The following ABAT variants were observed in gnomAD, a reference collection of about 807,000 sequenced individuals.
ABAT encodes the protein 4-aminobutyrate aminotransferase, mitochondrial.
Under a neutral mutation model 64.6 loss-of-function variants are expected in ABAT, and 45 were observed. The observed-to-expected ratio is 0.70, with a 90% CI of 0.55 to 0.89. The LOEUF (loss-of-function observed/expected upper bound fraction) is 0.89. Among genes scored for constraint, ABAT ranks in the 40% least tolerant of loss-of-function variants. ABAT has a pLI of 0.00. For missense variants in ABAT, 633 were observed against 658.4 expected, an observed-to-expected ratio of 0.96 and a Z score of 0.42; for synonymous variants, 297 against 250.5, an observed-to-expected ratio of 1.19 and a Z score of -1.75.
Position 8,781,960 on chromosome 16 carries a change from G to A in ABAT, c.*530G>A. On this transcript the variant is annotated 3_prime_UTR_variant, in exon 16 of 16. Transcript: ENST00000268251. This position sits in a 1 kb window ranked among gnomAD's most constrained non-coding sequence, Gnocchi z 4.5. ...GGTGCAGGAGGGACTGGACAGATCT[G>A]AGGAAGGCCGTAAAATGGGGACAGG... The A allele has an allele frequency of 5.2e-6, 1 of 193,968 alleles. No individual in the cohort carries two copies. The highest frequency in any genetic ancestry group is 1.0e-4 in the South Asian group (1 of 9,684). 12.0% of individuals were successfully genotyped at this position (193,968 alleles called of 1,614,324 possible).
intron 1 of ABAT, among the ~76,000 whole-genome samples, chr16:8,691,395 A>C (rs2141975850): frequency 6.6e-6 from 1 of 152,008 alleles, no homozygotes; most frequent in South Asian, 2.1e-4. Flanking sequence ...AACCTGCCAC[A>C]TTTCCTGGAG....
intron 6 of ABAT, among the ~76,000 whole-genome samples, chr16:8,763,724 G>A (rs753697905): frequency 1.8e-4 from 27 of 152,136 alleles, no homozygotes; most frequent in Admixed American, 2.0e-4. Flanking sequence ...CCATTCTGAT[G>A]GTTAAATATA....
At chr16:8,759,027 A>C (rs1388749245) in intron 6 of ABAT, among the ~76,000 whole-genome samples, 1 of 152,074 alleles carries the variant, frequency 6.6e-6, no homozygotes, top group Non-Finnish European at 1.5e-5. Context: ...GCTTGAACCC[A>C]GGAGGTGGAG....
intron 1 of ABAT, among the ~76,000 whole-genome samples, chr16:8,733,669 A>G (rs1447249106): frequency 6.6e-6 from 1 of 151,838 alleles, no homozygotes; most frequent in Non-Finnish European, 1.5e-5. Flanking sequence ...GTCTCCACCA[A>G]AACCAGTCAG....
At chr16:8,675,626 G>T (rs1013045911) in intron 1 of ABAT, among the ~76,000 whole-genome samples, 1 of 152,158 alleles carries the variant, frequency 6.6e-6, no homozygotes, top group African/African-American at 2.4e-5. Context: ...GACTAGAGGG[G>T]GTTCAGCGAG....
In ABAT at chr16:8,768,847, T is replaced by A. The variant is rs781617722; in HGVS notation, c.690T>A (p.Ser230=). The change falls in exon 11 of 16, where the codon TCT becomes TCA. Residue 230 remains serine (S), a synonymous_variant. Transcript: ENST00000268251. ...CAGGTTGCTTAGCGACCACGCACTC[T>A]AAAGCCATTCACAAGATCGACATCC... ...RTMGCLATTH[S]KAIHKIDIPS... The A allele has an allele frequency of 6.2e-7, 1 of 1,614,206 alleles. No individual in the cohort carries two copies. The highest frequency in any genetic ancestry group is 1.1e-5 in the South Asian group (1 of 91,088).
At chr16:8,736,521 C>G (rs772956366) in intron 2 of ABAT, 3 of 146,348 alleles carry the variant, frequency 2.0e-5, no homozygotes, top group African/African-American at 7.4e-5. Context: ...TGCTAAGGAA[C>G]AAAGAAAGCC....
intron 15 of ABAT, among the ~76,000 whole-genome samples, 200 bp downstream of exon 15, chr16:8,779,790 C>T (rs998959531): frequency 2.0e-5 from 3 of 152,152 alleles, no homozygotes; most frequent in Non-Finnish European, 4.4e-5. Context: ...ACTCAACAAG[C>T]GTTCGCTGAG....
intron 1 of ABAT, among the ~76,000 whole-genome samples, chr16:8,679,156 C>G (rs1475344589): frequency 6.6e-6 from 1 of 152,086 alleles, no homozygotes; most frequent in Non-Finnish European, 1.5e-5. Context: ...TGCACTCCAA[C>G]CTGGGCAACA....
intron 1 of ABAT, among the ~76,000 whole-genome samples, chr16:8,732,087 A>G (rs1351843918): frequency 1.3e-5 from 2 of 151,958 alleles, no homozygotes; most frequent in Non-Finnish European, 2.9e-5. Flanking sequence ...ACCTGACCTC[A>G]AGTGATCCAC....
intron 4 of ABAT, among the ~76,000 whole-genome samples, chr16:8,749,586 A>G (rs1345943297): frequency 6.7e-6 from 1 of 148,488 alleles, no homozygotes; most frequent in Non-Finnish European, 1.5e-5. Flanking sequence ...TTTAGTAGAG[A>G]CAAGATTTCA....
chr16:8,764,257 T>G lies in ABAT; in HGVS notation c.447+108T>G. The G allele has an allele frequency of 1.0e-6, 1 of 974,426 alleles. No homozygotes were observed. 60.4% of individuals were successfully genotyped at this position (974,426 alleles called of 1,614,324 possible). A position where few individuals can be genotyped will look rare whatever the true frequency, so the allele number is the denominator to read the frequency against. ...AATAAGGTGTTGCTACAGAAATCTTTCTCTCTGAGCTTATTCTTCCATGCA... is the reference window on the plus strand; with the variant it reads ...AATAAGGTGTTGCTACAGAAATCTTGCTCTCTGAGCTTATTCTTCCATGCA... On this transcript the variant is annotated intron_variant, in intron 7 of 15. Coordinates refer to ENST00000268251, the MANE Select transcript of ABAT (RefSeq NM_020686.6). This position sits in a 1 kb window ranked among gnomAD's most constrained non-coding sequence, Gnocchi z 4.2.
At chr16:8,744,755 C>G (rs1269520750) in intron 2 of ABAT, among the ~76,000 whole-genome samples, 2 of 151,764 alleles carry the variant, frequency 1.3e-5, no homozygotes, top group Non-Finnish European at 1.5e-5. Context: ...GTAATCCCAG[C>G]TACTTGGGAG....
At chr16:8,771,364 G>A (rs75405467) in intron 11 of ABAT, among the ~76,000 whole-genome samples, 14,562 of 151,570 alleles carry the variant, frequency 0.096, 1,176 homozygotes, top group African/African-American at 0.22. Context: ...GGAGACCAAG[G>A]TCAAAATCAT....
At chr16:8,775,757 T>G (rs1335312829) in intron 13 of ABAT, among the ~76,000 whole-genome samples, 3 of 152,170 alleles carry the variant, frequency 2.0e-5, no homozygotes, top group African/African-American at 7.2e-5. Context: ...TTAGCAGCCT[T>G]TCTAGAAATC....
intron 1 of ABAT, among the ~76,000 whole-genome samples, chr16:8,732,099 C>T (rs1356031742): frequency 6.6e-6 from 1 of 152,020 alleles, no homozygotes; most frequent in Non-Finnish European, 1.5e-5. Flanking sequence ...GTGATCCACC[C>T]ATCTCGGCCT....
intron 6 of ABAT, among the ~76,000 whole-genome samples, chr16:8,761,382 G>A (rs946425953): frequency 2.6e-5 from 4 of 152,114 alleles, no homozygotes; most frequent in African/African-American, 7.2e-5. Context: ...ACTGCCTTCC[G>A]GCTGTGTCCC....
At chr16:8,743,507 A>G (rs1175602608) in intron 2 of ABAT, among the ~76,000 whole-genome samples, 1 of 141,132 alleles carries the variant, frequency 7.1e-6, no homozygotes, top group Non-Finnish European at 1.5e-5. Flanking sequence ...TATAATATAT[A>G]TTTTAGTTAT....
chr16:8,772,948 C>A, intron 12 of ABAT, 31 bp downstream of exon 12: 1 of 1,612,202 alleles, frequency 6.2e-7, no homozygotes, highest in East Asian at 2.2e-5. Context: ...TTGGATGGAG[C>A]CATTGGGTTT....
Sources: gnomAD v4.1 joint callset for allele counts (sites outside exome capture counted in the v4.1 genomes callset) on GRCh38, gnomAD v4.1.1 for gene constraint, Gnocchi (gnomAD v3.1) non-coding constraint, MANE v1.5 for transcripts, NCBI Gene and HGNC (gene_info 2026-07-23, HGNC 2026-07-21) for gene names.